The following LINS1 variants were observed in gnomAD, a reference collection of about 807,000 sequenced individuals.
LINS1 encodes the protein lines homolog 1, also known as protein Lines homolog 1.
Under a neutral mutation model 41.6 loss-of-function variants are expected in LINS1, and 27 were observed. The observed-to-expected ratio is 0.65, with a 90% confidence interval of 0.48 to 0.89. LINS1 has a LOEUF of 0.89. Ranked by LOEUF, LINS1 falls within the 40% of genes least tolerant of loss-of-function variation. The pLI, the probability that LINS1 is intolerant of heterozygous loss-of-function variation, is 0.00. For missense variants in LINS1, 955 were observed against 884.1 expected, an observed-to-expected ratio of 1.08 and a Z score of -1.02; for synonymous variants, 336 against 312.9, an observed-to-expected ratio of 1.07 and a Z score of -0.78.
chr15:100,595,793 C>T (rs1273567494), intron 1 of LINS1, among the ~76,000 whole-genome samples: 1 of 152,228 alleles, frequency 6.6e-6, no homozygotes, highest in Non-Finnish European at 1.5e-5. Context: ...AATCTGACCA[C>T]AGCCCAAGAG....
Position 100,573,990 on chromosome 15 carries a change from C to A in LINS1, c.883G>T (p.Val295Phe). ...EVITWPIQAFVKRKVIIFLKK... is the reference protein window; with the variant it reads ...EVITWPIQAFFKRKVIIFLKK... ...AGGAATATGATGACCTTCCTTTTAACAAAAGCCTGAATAGGCCAGGTAATA... is the reference window on the plus strand; with the variant it reads ...AGGAATATGATGACCTTCCTTTTAAAAAAAGCCTGAATAGGCCAGGTAATA... Residue 295 changes from valine to phenylalanine, a missense_variant, in exon 5 of 7, where the codon GTT (valine) becomes TTT (phenylalanine). By Grantham distance (50) the Val-to-Phe change is conservative. Coordinates refer to ENST00000314742, the MANE Select transcript of LINS1 (RefSeq NM_001040616.3). 6.2e-7 allele frequency: 1 copy of A among 1,614,192 alleles called. No homozygotes were observed.
chr15:100,571,719 C>T (rs980226750), intron 6 of LINS1, among the ~76,000 whole-genome samples, 175 bp downstream of exon 6: 5 of 152,150 alleles, frequency 3.3e-5, no homozygotes, highest in Admixed American at 2.6e-4. Context: ...CCAGGTTTTC[C>T]TAGCGATACA....
At chr15:100,599,537 A>G (rs2039384419) in intron 1 of LINS1, among the ~76,000 whole-genome samples, 1 of 152,200 alleles carries the variant, frequency 6.6e-6, no homozygotes, top group Non-Finnish European at 1.5e-5. Context: ...GCTCTTCACC[A>G]ACAAGTTCTT....
chr15:100,588,062 C>CTCCTCTA (rs1336848253), intron 1 of LINS1, among the ~76,000 whole-genome samples: 2 of 152,216 alleles, frequency 1.3e-5, no homozygotes, highest in Non-Finnish European at 2.9e-5. Context: ...CACTGTTTAT[C>CTCCTCTA]TCCTCTATAA....
chr15:100,572,876 C>CTAATGTAG, intron 5 of LINS1: 2 of 744,374 alleles, frequency 2.7e-6, no homozygotes, highest in Non-Finnish European at 3.3e-6. Flanking sequence ...CAATAATCTA[C>CTAATGTAG]ATTAGTGGAA....
intron 6 of LINS1, among the ~76,000 whole-genome samples, chr15:100,570,842 A>C (rs921090748): frequency 6.6e-6 from 1 of 152,198 alleles, no homozygotes; most frequent in African/African-American, 2.4e-5. Context: ...ATCTTAACAA[A>C]TACAACTACA....
intron 1 of LINS1, among the ~76,000 whole-genome samples, chr15:100,594,662 T>C (rs547519027): frequency 6.6e-5 from 10 of 152,338 alleles, no homozygotes; most frequent in South Asian, 4.1e-4. Flanking sequence ...GTAAATGCTA[T>C]GTAAATATTT....
chr15:100,575,092 T>C lies in LINS1; in HGVS notation c.526A>G (p.Lys176Glu), dbSNP rs368283943. 4 of 1,612,724 alleles carry C rather than the reference T, an allele frequency of 2.5e-6. No individual in the cohort carries two copies. The African/African-American group carries it at 4.0e-5, about 16-fold the overall frequency. The change falls in exon 4 of 7, where the codon AAA (lysine) becomes GAA (glutamate). Residue 176 changes from lysine to glutamate, a missense_variant. Transcript: ENST00000314742. ...CTCTCAGAGTATTCAGAAAGATTTT[T>C]CTGGCAAAAAGCAATCCAGGAATTA... ...LSNSWIAFCQ[K>E]NLSEYSESNK... is the part of the protein sequence containing the mutation.
chr15:100,571,813 A>G (rs1408579549), intron 6 of LINS1, 81 bp downstream of exon 6: 1 of 1,518,870 alleles, frequency 6.6e-7, no homozygotes, highest in Admixed American at 1.7e-5. Context: ...AAAGTAAGCA[A>G]CACGCCCAGC....
At chr15:100,590,450 AAG>A (rs2038984867) in intron 1 of LINS1, among the ~76,000 whole-genome samples, 1 of 152,232 alleles carries the variant, frequency 6.6e-6, no homozygotes, top group Non-Finnish European at 1.5e-5. Context: ...TCCCAAGTTA[AAG>A]AGAACATTGC....
chr15:100,584,165 T>G (rs575207564), intron 1 of LINS1, among the ~76,000 whole-genome samples: 5 of 152,348 alleles, frequency 3.3e-5, no homozygotes, highest in African/African-American at 1.2e-4. Flanking sequence ...TTCTAACTAC[T>G]GTCACTATAA....
chr15:100,581,866 G>A (rs917165437), intron 1 of LINS1, among the ~76,000 whole-genome samples: 1 of 152,188 alleles, frequency 6.6e-6, no homozygotes, highest in African/African-American at 2.4e-5. Flanking sequence ...ACCCTACATA[G>A]TTCATGGTTT....
intron 1 of LINS1, among the ~76,000 whole-genome samples, chr15:100,591,728 T>A (rs1329252094): frequency 6.6e-6 from 1 of 152,178 alleles, no homozygotes; most frequent in Non-Finnish European, 1.5e-5. Context: ...AAGCTTCAGA[T>A]GATCATGCAA....
intron 1 of LINS1, among the ~76,000 whole-genome samples, chr15:100,583,568 C>A (rs564313899): frequency 1.3e-5 from 2 of 152,196 alleles, no homozygotes; most frequent in Non-Finnish European, 2.9e-5. Context: ...CTCAGCCCTG[C>A]GTGCTCTCAG....
rs2037672455 is a variant in LINS1, at chr15:100,569,354, G to T, written c.2158C>A (p.Gln720Lys). 6.2e-7 allele frequency: 1 copy of T among 1,614,044 alleles called. No homozygotes were observed. Among genetic ancestry groups the T allele is most frequent in the Admixed American group, 1.7e-5 (1 of 59,998 alleles). The change falls in exon 7 of 7, where the codon CAA becomes AAA. Residue 720 changes from glutamine to lysine, a missense_variant. Coordinates refer to ENST00000314742, the MANE Select transcript of LINS1 (RefSeq NM_001040616.3). ...YRIVKCFQEL[Q>K]DAICRLQKKN... ...TTTTGCAAACGGCAGATGGCATCTT[G>T]TAGTTCCTGGAAGCATTTTACTATT...
At chr15:100,583,104 G>A (rs1197884774) in intron 1 of LINS1, among the ~76,000 whole-genome samples, 1 of 151,248 alleles carries the variant, frequency 6.6e-6, no homozygotes, top group Non-Finnish European at 1.5e-5. Flanking sequence ...GCCTAGTCTT[G>A]GTCTTATACT....
intron 3 of LINS1, among the ~76,000 whole-genome samples, chr15:100,575,619 A>T (rs1343192886): frequency 1.3e-5 from 2 of 152,220 alleles, no homozygotes; most frequent in African/African-American, 4.8e-5. Flanking sequence ...GAACAACGAG[A>T]CAGAAAGTTA....
intron 4 of LINS1, 80 bp from the exon 5 acceptor site, chr15:100,574,321 T>G (rs1392148826): frequency 1.1e-6 from 1 of 949,628 alleles, no homozygotes; most frequent in Non-Finnish European, 1.6e-6. Context: ...TTTATAAATA[T>G]CACTTTTTAA....
chr15:100,579,209 A>C (rs2038380793), intron 3 of LINS1, among the ~76,000 whole-genome samples: 1 of 150,128 alleles, frequency 6.7e-6, no homozygotes, highest in African/African-American at 2.4e-5. Context: ...AAAACTAAAA[A>C]TAAAAATGAG....
Sources: gnomAD v4.1 joint callset for allele counts (sites outside exome capture counted in the v4.1 genomes callset) on GRCh38, gnomAD v4.1.1 for gene constraint, MANE v1.5 for transcripts, NCBI Gene and HGNC (gene_info 2026-07-23, HGNC 2026-07-21) for gene names.